Variants in TTC28 observed in about 807,000 individuals in gnomAD.
TTC28 encodes tetratricopeptide repeat protein 28.
TTC28 carries 61 observed loss-of-function variants against 198.0 expected under a neutral mutation model. The observed-to-expected ratio is 0.31, with a 90% CI of 0.25 to 0.38. TTC28 has a LOEUF of 0.38. Among genes scored for constraint, TTC28 ranks in the 10% least tolerant of loss-of-function variants. The pLI is 1.00. For missense variants in TTC28, 2,678 were observed against 3,164.0 expected (o/e 0.85, Z 3.69); for synonymous variants, 1,171 against 1,297.8 (o/e 0.90, Z 2.10).
At chr22:28,087,955 G>C (rs1476402309) in intron 12 of TTC28, among the ~76,000 whole-genome samples, 7 of 152,096 alleles carry the variant, frequency 4.6e-5, no homozygotes, top group African/African-American at 1.4e-4. Context: ...CAACTTACAA[G>C]GGATGTGAAG....
chr22:28,399,216 T>C (rs1241929195), intron 2 of TTC28, among the ~76,000 whole-genome samples: 1 of 152,056 alleles, frequency 6.6e-6, no homozygotes, highest in African/African-American at 2.4e-5. Context: ...GAACCCCGCA[T>C]TATCTCTGTA....
intron 2 of TTC28, among the ~76,000 whole-genome samples, chr22:28,496,125 T>C (rs571776218): frequency 1.3e-5 from 2 of 152,250 alleles, no homozygotes; most frequent in African/African-American, 4.8e-5. Flanking sequence ...CTCAGTTTCT[T>C]TTGCTGAATC....
intron 2 of TTC28, among the ~76,000 whole-genome samples, chr22:28,518,938 T>C (rs958474739): frequency 6.6e-6 from 1 of 152,238 alleles, no homozygotes; most frequent in Non-Finnish European, 1.5e-5. Context: ...GTCAACTGTG[T>C]TGACAGGCTG....
At chr22:28,359,538 A>C (rs1466817434) in intron 2 of TTC28, among the ~76,000 whole-genome samples, 1 of 152,190 alleles carries the variant, frequency 6.6e-6, no homozygotes, top group African/African-American at 2.4e-5. Context: ...TATATGCTTC[A>C]GTTTTTCTTA....
chr22:28,521,714 G>A (rs1345823417), intron 2 of TTC28, among the ~76,000 whole-genome samples: 1 of 152,208 alleles, frequency 6.6e-6, no homozygotes, highest in Non-Finnish European at 1.5e-5. Flanking sequence ...AGAGTAGAGA[G>A]AGGTAAAGAA....
At chr22:28,323,895 A>T (rs2045485038) in intron 2 of TTC28, among the ~76,000 whole-genome samples, 1 of 152,214 alleles carries the variant, frequency 6.6e-6, no homozygotes, top group African/African-American at 2.4e-5. Context: ...CATACAATGG[A>T]GCTCCAATAC....
intron 22 of TTC28, among the ~76,000 whole-genome samples, chr22:27,984,061 A>G (rs572311893): frequency 6.6e-6 from 1 of 152,288 alleles, no homozygotes; most frequent in South Asian, 2.1e-4. Flanking sequence ...GAGAGCTCAC[A>G]GCCACACCCA....
At chr22:28,521,052 G>GAACAA (rs745366799) in intron 2 of TTC28, among the ~76,000 whole-genome samples, 1 of 151,758 alleles carries the variant, frequency 6.6e-6, no homozygotes. Context: ...ACTCTATCTC[G>GAACAA]AACAAAACAA....
intron 2 of TTC28, among the ~76,000 whole-genome samples, chr22:28,307,700 T>C (rs1343943996): frequency 6.6e-6 from 1 of 152,212 alleles, no homozygotes; most frequent in African/African-American, 2.4e-5. Context: ...ATAATTAACA[T>C]ATTCATTGCT....
In TTC28 at chr22:27,981,560, G is replaced by A. The variant is rs1937024319; in HGVS notation, c.*661C>T. 2.0e-5 allele frequency: 3 copies of A among 151,856 alleles called. No individual in the cohort carries two copies. The highest frequency in any genetic ancestry group is 2.1e-4 in the South Asian group (1 of 4,794). 9.4% of individuals were successfully genotyped at this position (151,856 alleles called of 1,614,324 possible). ...AGAAAATTCAAGTTTGGTTGACAGC[G>A]GGACCCAAAAGACATTTGCAGAGCA... is the stretch of plus-strand genomic sequence containing the variant. On this transcript the variant is annotated 3_prime_UTR_variant, in exon 23 of 23. Transcript: ENST00000397906.
chr22:28,297,617 T>C lies in TTC28; in HGVS notation c.765A>G (p.Gly255=), dbSNP rs2044926166. The part of the protein sequence containing the change: ...WSLGNTEKST[G]YMQQDLDVAK... ...CTACATCCAAGTCCTGCTGCATATA[T>C]CCGGTGCTCTTCTCTGTATTTCCAA... Residue 255 remains glycine (G), a synonymous_variant, in exon 4 of 23, where the codon GGA becomes GGG. Transcript: ENST00000397906. 6.4e-7 allele frequency: 1 copy of C among 1,551,596 alleles called. No individual in the cohort carries two copies. The highest frequency in any genetic ancestry group is 1.4e-5 in the African/African-American group (1 of 73,040).
intron 2 of TTC28, among the ~76,000 whole-genome samples, chr22:28,413,531 T>A (rs1188712177): frequency 1.3e-5 from 2 of 152,190 alleles, no homozygotes; most frequent in African/African-American, 4.8e-5. Flanking sequence ...TGTTTAAATG[T>A]TGCGACGAAC....
intron 6 of TTC28, among the ~76,000 whole-genome samples, chr22:28,127,203 G>A (rs1461076255): frequency 1.3e-5 from 2 of 152,168 alleles, no homozygotes; most frequent in Non-Finnish European, 2.9e-5. Flanking sequence ...ACTGGGCCTT[G>A]GAGATACAAG....
chr22:28,321,062 T>A (rs1002734878), intron 2 of TTC28, among the ~76,000 whole-genome samples: 2 of 152,158 alleles, frequency 1.3e-5, no homozygotes, highest in Non-Finnish European at 2.9e-5. Context: ...CTTGAAAATA[T>A]CAGAAGATAA....
intron 2 of TTC28, among the ~76,000 whole-genome samples, chr22:28,385,327 G>T (rs2046562189): frequency 6.7e-6 from 1 of 149,906 alleles, no homozygotes; most frequent in Admixed American, 6.6e-5. Flanking sequence ...CCACCTCCTG[G>T]GTTCAAGCAA....
intron 5 of TTC28, among the ~76,000 whole-genome samples, chr22:28,167,606 G>A (rs184544842): frequency 1.9e-4 from 29 of 152,282 alleles, no homozygotes; most frequent in African/African-American, 6.7e-4. Context: ...AAAGGCCTTT[G>A]ACAAAATTCA....
intron 2 of TTC28, among the ~76,000 whole-genome samples, chr22:28,550,598 A>G (rs2049648820): frequency 6.6e-6 from 1 of 152,088 alleles, no homozygotes; most frequent in African/African-American, 2.4e-5. Flanking sequence ...AATTATCTCC[A>G]ATGTTACTTT....
intron 3 of TTC28, among the ~76,000 whole-genome samples, chr22:28,304,165 G>C (rs2045086033): frequency 6.6e-6 from 1 of 152,006 alleles, no homozygotes; most frequent in Non-Finnish European, 1.5e-5. Flanking sequence ...GGCGCCTGTA[G>C]TCCCAGCTAC....
At chr22:28,226,552 G>A (rs560590521) in intron 5 of TTC28, among the ~76,000 whole-genome samples, 5 of 151,910 alleles carry the variant, frequency 3.3e-5, no homozygotes, top group Admixed American at 1.3e-4. Context: ...TCCGCCTTCC[G>A]AGTAGCTGGG....
Sources: allele counts gnomAD v4.1 joint callset (sites outside exome capture counted in the v4.1 genomes callset), GRCh38; gene constraint gnomAD v4.1.1; transcripts MANE v1.5; gene names NCBI Gene and HGNC (gene_info 2026-07-23, HGNC 2026-07-21).